Variants in TCP1 observed in about 807,000 individuals in gnomAD.
The protein encoded by TCP1 is T-complex protein 1 subunit alpha.
A neutral mutation model predicts 54.7 loss-of-function variants in TCP1; 6 were observed. The observed-to-expected ratio is 0.11, with a 90% confidence interval of 0.06 to 0.22. TCP1 has a LOEUF of 0.22. TCP1 is among the 10% of genes least tolerant of loss of function. The pLI is 1.00. For synonymous variants in TCP1, 225 were observed against 229.7 expected (o/e 0.98, Z 0.19); for missense variants, 511 against 678.2 (o/e 0.75, Z 2.74).
intron 11 of TCP1, 83 bp from the exon 12 acceptor site, chr6:159,779,344 A>G: frequency 7.8e-7 from 1 of 1,284,282 alleles, no homozygotes; most frequent in Non-Finnish European, 1.1e-6. Context: ...TTCAAGTATT[A>G]AGGTTGATTT....
chr6:159,787,821 T>C lies in TCP1; in HGVS notation c.201A>G (p.Val67=), dbSNP rs773907295. ...AAAGAACTTTAGCTGCAGGATGTTCTACCTCCAGTAACTTCAGGATGGTTG... is the reference window on the plus strand; with the variant it reads ...AAAGAACTTTAGCTGCAGGATGTTCCACCTCCAGTAACTTCAGGATGGTTG... ...DGATILKLLE[V]EHPAAKVLCE... The change falls in exon 3 of 12, where the codon GTA becomes GTG. Residue 67 remains valine, a synonymous_variant. Transcript: ENST00000321394. The C allele has an allele frequency of 3.1e-6, 5 of 1,614,224 alleles. No individual in the cohort carries two copies. The highest frequency in any genetic ancestry group is 1.7e-5 in the Admixed American group (1 of 60,032).
chr6:159,781,162 T>C (rs1168938593), intron 7 of TCP1, 52 bp from the exon 8 acceptor site: 2 of 1,414,010 alleles, frequency 1.4e-6, no homozygotes, highest in South Asian at 1.4e-5. Flanking sequence ...TTAAAAATAA[T>C]TTAACTTCCA....
intron 5 of TCP1, chr6:159,785,050 C>T (rs1165273207): frequency 7.9e-6 from 5 of 630,996 alleles, no homozygotes; most frequent in Non-Finnish European, 1.1e-5. Flanking sequence ...ACCTTTTCAC[C>T]CTAAAAAAGC....
At chr6:159,787,667 G>T in intron 3 of TCP1, 76 bp downstream of exon 3, 2 of 1,539,736 alleles carry the variant, frequency 1.3e-6, no homozygotes, top group South Asian at 2.4e-5. Context: ...CAGCACAAAT[G>T]ACCCACTTAT....
chr6:159,783,557 G>T (rs1780624986), intron 7 of TCP1, among the ~76,000 whole-genome samples: 1 of 151,764 alleles, frequency 6.6e-6, no homozygotes, highest in Non-Finnish European at 1.5e-5. Flanking sequence ...ACAATTTATT[G>T]TTTTAAGTGA....
intron 5 of TCP1, 79 bp from the exon 6 acceptor site, chr6:159,784,926 G>C (rs1264616257): frequency 7.1e-7 from 1 of 1,406,674 alleles, no homozygotes; most frequent in Non-Finnish European, 1.0e-6. Flanking sequence ...GTAATTTCAA[G>C]GGACTTCCTT....
intron 7 of TCP1, among the ~76,000 whole-genome samples, chr6:159,782,129 G>T (rs905945531): frequency 2.0e-5 from 3 of 152,222 alleles, no homozygotes; most frequent in Non-Finnish European, 4.4e-5. Flanking sequence ...GATTAAGTTT[G>T]AAGTCTCTGC....
intron 11 of TCP1, 21 bp downstream of exon 11, chr6:159,779,606 A>G (rs750552493): frequency 6.3e-7 from 1 of 1,584,768 alleles, no homozygotes. Context: ...AGGTTAACAA[A>G]GAGCGGGAAA....
rs1171707929 is a variant in TCP1 at position 159,779,767 on chromosome 6, A to C, written c.1314T>G (p.Ile438Met). The part of the protein sequence containing the change: ...TSMGSREQLA[I>M]AEFARSLLVI... ...CAAGAAGTGATCTTGCAAACTCTGC[A>C]ATCGCAAGCTGTTCCCGAGACCCCT... The change falls in exon 11 of 12, where the codon ATT becomes ATG. Residue 438 changes from isoleucine to methionine, a missense_variant. This residue lies in a region of TCP1 where 88 missense variants were observed against 153.1 expected (regional missense o/e 0.57). Transcript: ENST00000321394. 6.2e-7 allele frequency: 1 copy of C among 1,605,210 alleles called. No individual in the cohort carries two copies. Among genetic ancestry groups the C allele is most frequent in the Non-Finnish European group, 8.5e-7 (1 of 1,177,788 alleles).
chr6:159,786,257 G>C (rs895505567), intron 3 of TCP1, among the ~76,000 whole-genome samples: 5 of 152,190 alleles, frequency 3.3e-5, no homozygotes, highest in African/African-American at 1.2e-4. Flanking sequence ...GTTGTTTATT[G>C]TAACGCTGAT....
chr6:159,789,367 C>T (rs774344661), intron 1 of TCP1, 38 bp downstream of exon 1: 2 of 1,611,724 alleles, frequency 1.2e-6, no homozygotes, highest in East Asian at 2.2e-5. Flanking sequence ...TCGGCCCTCC[C>T]CGGCCGCAAA....
chr6:159,780,674 TTA>T, intron 8 of TCP1, 108 bp from the exon 9 acceptor site: 1 of 1,435,152 alleles, frequency 7.0e-7, no homozygotes, highest in Non-Finnish European at 9.4e-7. Context: ...AGTTTAGAAT[TTA>T]GTTAGGCAGC....
intron 8 of TCP1, 111 bp downstream of exon 8, chr6:159,780,824 A>G: frequency 3.7e-6 from 5 of 1,354,598 alleles, no homozygotes; most frequent in Non-Finnish European, 3.0e-6. Context: ...AAGCATTAAG[A>G]GAATATAAAT....
chr6:159,788,586 A>G (rs1313440684), intron 1 of TCP1: 38 of 11,400 alleles, frequency 3.3e-3, no homozygotes, highest in Non-Finnish European at 7.5e-3. Context: ...GATGGCGGGG[A>G]AAAAAAAAAA....
In TCP1 at chr6:159,782,011, C is replaced by CTA. The variant is rs571396814; in HGVS notation, c.798-902_798-901insTA. 2.6e-5 allele frequency among the ~76,000 whole-genome samples: 4 copies of CTA among 152,262 alleles called. 1 individual carries two copies. The South Asian group carries it at 8.3e-4, about 32-fold the overall frequency. ...ATAACATGAGATATAAGCTGAAAGA[C>CTA]AACCTAAACAGAAAAGTCAAATTTT... On this transcript the variant is annotated intron_variant, in intron 7 of 11. Coordinates refer to ENST00000321394, the MANE Select transcript of TCP1 (RefSeq NM_030752.3).
intron 9 of TCP1, 139 bp from the exon 10 acceptor site, chr6:159,780,226 A>C: frequency 8.2e-7 from 1 of 1,212,524 alleles, no homozygotes; most frequent in Non-Finnish European, 1.2e-6. Flanking sequence ...CCTACACAGG[A>C]TATTTAGATA....
chr6:159,781,017 C>G lies in TCP1; in HGVS notation c.891G>C (p.Leu297=), dbSNP rs768920093. 31 of 1,613,634 alleles carry G rather than the reference C, an allele frequency of 1.9e-5. No individual in the cohort carries two copies. The Admixed American group carries it at 4.7e-4, about 24-fold the overall frequency. ...TAGCACCAGCCTCCACAAAATACTT[C>G]AGACACATATCATCAATTCCACCAG... The part of the protein sequence containing the change: ...LTTGGIDDMC[L]KYFVEAGAMA... The change falls in exon 8 of 12, where the codon CTG becomes CTC. Residue 297 remains leucine (L), a synonymous_variant. Coordinates refer to ENST00000321394, the MANE Select transcript of TCP1 (RefSeq NM_030752.3).
intron 8 of TCP1, 43 bp downstream of exon 8, chr6:159,780,892 G>T: frequency 1.3e-6 from 2 of 1,547,054 alleles, no homozygotes; most frequent in Admixed American, 4.4e-5. Flanking sequence ...ATAGGATCAG[G>T]GATAATAAAA....
Position 159,787,078 on chromosome 6 carries a change from T to TAAAAAA in TCP1, c.279+659_279+664dup, listed in dbSNP as rs76955548. Among the ~76,000 whole-genome samples the TAAAAAA allele has an allele frequency of 2.1e-3, 279 of 133,596 alleles. 14 individuals are homozygous for TAAAAAA. Among genetic ancestry groups the TAAAAAA allele is most frequent in the South Asian group, 3.9e-3 (16 of 4,052 alleles). 87.6% of individuals were successfully genotyped at this position (133,596 alleles called of 152,430 possible). A position where few individuals can be genotyped will look rare whatever the true frequency, so the allele number is the denominator to read the frequency against. ...GGCAACATAGCGAGACCCTGTCTCT[T>TAAAAAA]AAAAAAAAAAAAAAGAGGTTTTTAA... On this transcript the variant is annotated intron_variant, in intron 3 of 11. Transcript: ENST00000321394.
Sources: gnomAD v4.1 joint callset for allele counts (sites outside exome capture counted in the v4.1 genomes callset) on GRCh38, gnomAD v4.1.1 for gene constraint, gnomAD v4.1.1 regional missense constraint, MANE v1.5 for transcripts, NCBI Gene and HGNC (gene_info 2026-07-23, HGNC 2026-07-21) for gene names.